ZNF800: variants seen among roughly 807,000 people sequenced by gnomAD.
The protein encoded by ZNF800 is zinc finger protein 800.
In ZNF800, 13 loss-of-function variants were observed where a neutral mutation model predicts 59.5. The observed-to-expected ratio is 0.22, with a 90% CI of 0.14 to 0.35. ZNF800 has a LOEUF of 0.35. Among genes scored for constraint, ZNF800 ranks in the 10% least tolerant of loss-of-function variants. The probability of loss-of-function intolerance (pLI) is 1.00; values close to 1 mark genes in which losing one functional copy is unlikely to be tolerated. For synonymous variants in ZNF800, 266 were observed against 265.7 expected, an observed-to-expected ratio of 1.00 and a Z score of -0.01; for missense variants, 621 against 783.7, an observed-to-expected ratio of 0.79 and a Z score of 2.48.
intron 1 of ZNF800, chr7:127,348,048 G>C (rs1286947122): frequency 6.6e-6 from 1 of 151,320 alleles, no homozygotes; most frequent in Non-Finnish European, 1.5e-5. Flanking sequence ...GCGAGGCTTC[G>C]GCCCGCACGG....
intron 1 of ZNF800, chr7:127,362,110 T>A (rs1217084372): frequency 6.6e-6 from 1 of 152,142 alleles, no homozygotes; most frequent in Admixed American, 6.6e-5. Context: ...GATACAATTA[T>A]TCCAAGCCCC....
rs1800814372 is a variant in ZNF800, at chr7:127,377,295, A to G, written c.192T>C (p.Asp64=). Reference sequence around the variant, plus strand: ...ACTTACATTCAAAAATAGTGTCCACATCTTTTAATAAAATATGCTTAAGTT... The same window carrying G: ...ACTTACATTCAAAAATAGTGTCCACGTCTTTTAATAAAATATGCTTAAGTT... ...TKQLKHILLK[D]VDTIFECKLC... is the part of the protein sequence containing the mutation. The change falls in exon 4 of 6, where the codon GAT becomes GAC. Residue 64 remains aspartate, a synonymous_variant. Coordinates refer to ENST00000265827, the MANE Select transcript of ZNF800 (RefSeq NM_176814.5). The surrounding 1 kb of genome is among the most constrained non-coding windows in gnomAD (Gnocchi z 4.7). 1.2e-6 allele frequency: 2 copies of G among 1,609,334 alleles called. No individual in the cohort carries two copies. The highest frequency in any genetic ancestry group is 8.5e-7 in the Non-Finnish European group (1 of 1,176,958).
At position 127,390,048 on chromosome 7, in the gene ZNF800, C is replaced by T. The variant is rs993650710; in HGVS notation, c.61+1449G>A. Reference sequence around the variant, plus strand: ...TTGTTCACCACTTATATCCCCATTGCCTTCAACAGTGCTCTCAATAGATGT... The same window carrying T: ...TTGTTCACCACTTATATCCCCATTGTCTTCAACAGTGCTCTCAATAGATGT... On this transcript the variant is annotated intron_variant, in intron 2 of 5. Coordinates refer to ENST00000265827, the MANE Select transcript of ZNF800 (RefSeq NM_176814.5). Among the ~76,000 whole-genome samples the T allele has an allele frequency of 2.0e-5, 3 of 152,064 alleles. No homozygotes were observed. In the South Asian group the frequency reaches 6.2e-4, roughly 32 times the overall value.
Position 127,370,882 on chromosome 7 carries a change from A to C in ZNF800, c.*932T>G, listed in dbSNP as rs1800616672. 1 of 152,426 alleles carries C rather than the reference A, an allele frequency of 6.6e-6. No individual in the cohort carries two copies. Among genetic ancestry groups the C allele is most frequent in the Non-Finnish European group, 1.5e-5 (1 of 67,944 alleles). 9.4% of individuals were successfully genotyped at this position (152,426 alleles called of 1,614,324 possible). ...GTCCTTTAAGATTTTTCTTGGGAGA[A>C]AAAAAAATCAGGGCTTACACCCGCA... is the stretch of plus-strand genomic sequence containing the variant. On this transcript the variant is annotated 3_prime_UTR_variant, in exon 6 of 6. Coordinates refer to ENST00000265827, the MANE Select transcript of ZNF800 (RefSeq NM_176814.5).
chr7:127,355,705 T>C (rs765904336), intron 1 of ZNF800, among the ~76,000 whole-genome samples: 1 of 152,074 alleles, frequency 6.6e-6, no homozygotes, highest in Non-Finnish European at 1.5e-5. Context: ...TTATTCTAAA[T>C]AGTAACTTGG....
chr7:127,376,160 A>G (rs1336810188), intron 4 of ZNF800, among the ~76,000 whole-genome samples: 2 of 151,950 alleles, frequency 1.3e-5, no homozygotes, highest in African/African-American at 4.8e-5. Context: ...GTAGTAGGAA[A>G]TATTTCCAGG....
Position 127,392,406 on chromosome 7 carries a change from A to C in ZNF800, c.-405T>G. The C allele has an allele frequency of 2.6e-6, 1 of 378,996 alleles. No individual in the cohort carries two copies. 23.5% of individuals were successfully genotyped at this position (378,996 alleles called of 1,614,324 possible). ...CCGCCGCCACCACCGAAGGAGCCGG[A>C]ACCGGAGCGGGCAGGACCTGAGGCT... is the stretch of plus-strand genomic sequence containing the variant. On this transcript the variant is annotated 5_prime_UTR_variant, in exon 1 of 6. Transcript: ENST00000265827.
chr7:127,364,466 G>A (rs1165595943), intron 1 of ZNF800: 1 of 152,128 alleles, frequency 6.6e-6, no homozygotes, highest in Non-Finnish European at 1.5e-5. Flanking sequence ...GGAAAACAAG[G>A]AAATAAACAA....
At chr7:127,346,185 T>G (rs1252102566), downstream of ZNF800, among the ~76,000 whole-genome samples, 1 of 152,158 alleles carries the variant, frequency 6.6e-6, no homozygotes, top group Admixed American at 6.5e-5. Flanking sequence ...AAAGTCTGTA[T>G]GTAGTAAATT....
intron 3 of ZNF800, among the ~76,000 whole-genome samples, chr7:127,385,701 G>A (rs1010315085): frequency 5.9e-5 from 9 of 152,002 alleles, no homozygotes; most frequent in African/African-American, 2.2e-4. Flanking sequence ...CTGTACCAAA[G>A]CTCATGAAGA....
At chr7:127,351,841 G>A (rs1800173375) in intron 1 of ZNF800, among the ~76,000 whole-genome samples, 1 of 152,180 alleles carries the variant, frequency 6.6e-6, no homozygotes, top group African/African-American at 2.4e-5. Flanking sequence ...GGCAAGCACA[G>A]TTAGATGGAA....
chr7:127,346,259 A>G (rs1426647578), downstream of ZNF800, among the ~76,000 whole-genome samples: 1 of 152,222 alleles, frequency 6.6e-6, no homozygotes, highest in African/African-American at 2.4e-5. Context: ...TGAGGAGATG[A>G]AAAGGTATGA....
intron 5 of ZNF800, chr7:127,372,659 T>G (rs1215628196): frequency 1.0e-6 from 1 of 985,020 alleles, no homozygotes; most frequent in Admixed American, 6.2e-5. Context: ...AAGCATTGTT[T>G]CCATAGATCA....
At chr7:127,351,581 G>A (rs531141641) in intron 1 of ZNF800, 1 of 152,200 alleles carries the variant, frequency 6.6e-6, no homozygotes. Context: ...TTTTGCTGGG[G>A]TGATCAACTG....
chr7:127,368,166 A>T (rs17865317), downstream of ZNF800, among the ~76,000 whole-genome samples: 2,846 of 152,226 alleles, frequency 0.019, 84 homozygotes, highest in African/African-American at 0.065. Context: ...GCTCAGAGGA[A>T]TAGGGTATAG....
chr7:127,349,065 GA>G (rs565059272), intron 1 of ZNF800, among the ~76,000 whole-genome samples: 131 of 146,024 alleles, frequency 9.0e-4, no homozygotes, highest in East Asian at 1.2e-3. Context: ...TTCCACTTTA[GA>G]AAAAAAAAAA....
intron 1 of ZNF800, chr7:127,362,704 TA>T (rs1800418502): frequency 6.6e-6 from 1 of 152,048 alleles, no homozygotes; most frequent in South Asian, 2.1e-4. Context: ...TTACAAACAG[TA>T]TTAGATGACA....
rs1194916998 is a variant in ZNF800 at position 127,374,605 on chromosome 7, C to A, written c.731G>T (p.Gly244Val). ...LCRKEFNSRRGVRRHIRKVHK... is the reference protein window; with the variant it reads ...LCRKEFNSRRVVRRHIRKVHK... ...TACTTTTCGAATGTGACGGCGAACA[C>A]CTCGTCTAGAATTGAATTCTTTTCT... Residue 244 changes from glycine to valine, a missense_variant, in exon 5 of 6, where the codon GGT (glycine) becomes GTT (valine). Coordinates refer to ENST00000265827, the MANE Select transcript of ZNF800 (RefSeq NM_176814.5). 2 of 1,614,096 alleles carry A rather than the reference C, an allele frequency of 1.2e-6. No individual in the cohort carries two copies. Among genetic ancestry groups the A allele is most frequent in the Middle Eastern group, 1.6e-4 (1 of 6,062 alleles).
rs1800728774 is a variant in ZNF800, at chr7:127,374,484, T to C, written c.852A>G (p.Pro284=). The C allele has an allele frequency of 1.2e-6, 2 of 1,614,146 alleles. No homozygotes were observed. Among genetic ancestry groups the C allele is most frequent in the Non-Finnish European group, 8.5e-7 (1 of 1,179,996 alleles). The change falls in exon 5 of 6, where the codon CCA becomes CCG. Residue 284 remains proline, a synonymous_variant. Coordinates refer to ENST00000265827, the MANE Select transcript of ZNF800 (RefSeq NM_176814.5). ...SKGRSKNVLV[P]LSRSCPVCCK... is the part of the protein sequence containing the mutation. ...AACATACTGGACAACTCCTACTTAA[T>C]GGAACTAGAACATTCTTACTGCGTC...
Sources: allele counts gnomAD v4.1 joint callset (sites outside exome capture counted in the v4.1 genomes callset), GRCh38; gene constraint gnomAD v4.1.1; non-coding constraint Gnocchi (gnomAD v3.1); transcripts MANE v1.5; gene names NCBI Gene and HGNC (gene_info 2026-07-23, HGNC 2026-07-21).